The following ELFN1 variants were observed in gnomAD, a reference collection of about 807,000 sequenced individuals.
ELFN1 encodes the protein extracellular leucine rich repeat and fibronectin type III domain containing 1.
In ELFN1, 6 loss-of-function variants were observed where a neutral mutation model predicts 7.6. The observed-to-expected ratio is 0.79, with a 90% CI of 0.43 to 1.56. ELFN1 has a LOEUF of 1.56. Ranked by LOEUF, ELFN1 falls within the 40% of genes most tolerant of loss-of-function variation. ELFN1 has a pLI of 0.01. For missense variants in ELFN1, 1,169 were observed against 1,232.2 expected (o/e 0.95, Z 0.77); for synonymous variants, 657 against 588.1 (o/e 1.12, Z -1.70).
At chr7:1,719,712 C>T (rs1402202657) in intron 3 of ELFN1, among the ~76,000 whole-genome samples, 1 of 152,226 alleles carries the variant, frequency 6.6e-6, no homozygotes, top group Non-Finnish European at 1.5e-5. Flanking sequence ...AGAGGAATCT[C>T]CCCAAATGGT....
intron 3 of ELFN1, among the ~76,000 whole-genome samples, chr7:1,724,511 G>A (rs1210467297): frequency 1.3e-5 from 2 of 152,176 alleles, no homozygotes; most frequent in Admixed American, 6.5e-5. Context: ...CAGGAGGGAA[G>A]GCTTGGATCT....
intron 3 of ELFN1, among the ~76,000 whole-genome samples, chr7:1,713,751 A>G (rs573961783): frequency 7.9e-4 from 119 of 150,914 alleles, no homozygotes; most frequent in Middle Eastern, 3.6e-3. Flanking sequence ...CTCTCTGGGG[A>G]GGGGGGGGCG....
At chr7:1,671,146 G>C (rs923812793) in intron 1 of ELFN1, among the ~76,000 whole-genome samples, 10 of 149,312 alleles carry the variant, frequency 6.7e-5, no homozygotes. Flanking sequence ...GGGGCGGGGG[G>C]CACTGCCTGC....
Position 1,695,429 on chromosome 7 carries a change from C to T in ELFN1, c.-456+7279C>T, listed in dbSNP as rs1036092620. ...CTGGGAGGCAGGAGCAGACTCAGCC[C>T]GCCAAGCCCATGAACCCCACTTTGA... is the stretch of plus-strand genomic sequence containing the variant. On this transcript the variant is annotated intron_variant, in intron 2 of 3. Transcript: ENST00000424383. The surrounding 1 kb of genome is among the most constrained non-coding windows in gnomAD (Gnocchi z 5.1). 3.9e-5 allele frequency among the ~76,000 whole-genome samples: 6 copies of T among 152,224 alleles called. No individual in the cohort carries two copies. In the East Asian group the frequency reaches 9.7e-4, roughly 25 times the overall value.
intron 1 of ELFN1, among the ~76,000 whole-genome samples, chr7:1,672,712 C>G (rs996563953): frequency 6.6e-6 from 1 of 151,994 alleles, no homozygotes; most frequent in Non-Finnish European, 1.5e-5. Context: ...AGGTCAGAGC[C>G]CCCACCCCAG....
At chr7:1,742,659 C>A (rs554406843) in intron 3 of ELFN1, among the ~76,000 whole-genome samples, 1 of 152,348 alleles carries the variant, frequency 6.6e-6, no homozygotes, top group East Asian at 1.9e-4. Context: ...TCCTGCCCGG[C>A]TGGGCTTGGC....
At chr7:1,680,931 A>G (rs1402851365) in intron 1 of ELFN1, among the ~76,000 whole-genome samples, 2 of 151,986 alleles carry the variant, frequency 1.3e-5, no homozygotes, top group African/African-American at 4.8e-5. Flanking sequence ...TAGTAAAGAC[A>G]GGGTTTCACC....
At chr7:1,678,187 C>T (rs528248513) in intron 1 of ELFN1, among the ~76,000 whole-genome samples, 1 of 152,206 alleles carries the variant, frequency 6.6e-6, no homozygotes, top group South Asian at 2.1e-4. Context: ...TGCCACCGTG[C>T]TCCCACACAC....
chr7:1,687,472 G>T (rs1314234736), intron 1 of ELFN1, among the ~76,000 whole-genome samples: 1 of 151,794 alleles, frequency 6.6e-6, no homozygotes, highest in Non-Finnish European at 1.5e-5. Flanking sequence ...TATCTCAGAA[G>T]CCCCCCACCC....
At chr7:1,685,995 T>TA (rs1779056133) in intron 1 of ELFN1, among the ~76,000 whole-genome samples, 1 of 148,276 alleles carries the variant, frequency 6.7e-6, no homozygotes, top group Admixed American at 6.8e-5. Flanking sequence ...ATTTATATTA[T>TA]AAAAAGCTTT....
At chr7:1,681,293 C>T (rs375727963) in intron 1 of ELFN1, among the ~76,000 whole-genome samples, 6 of 152,204 alleles carry the variant, frequency 3.9e-5, no homozygotes, top group African/African-American at 4.8e-5. Context: ...TGAATCATGC[C>T]GCTGTGAACA....
At chr7:1,712,002 G>T (rs1779670794) in intron 3 of ELFN1, among the ~76,000 whole-genome samples, 1 of 152,232 alleles carries the variant, frequency 6.6e-6, no homozygotes, top group South Asian at 2.1e-4. Context: ...ACAGCAGACT[G>T]GGCTGTGCGG....
At chr7:1,672,732 C>T (rs999860458) in intron 1 of ELFN1, among the ~76,000 whole-genome samples, 5 of 152,080 alleles carry the variant, frequency 3.3e-5, no homozygotes, top group Admixed American at 2.6e-4. Flanking sequence ...GGATCCCTTC[C>T]CCCCCGACAA....
Position 1,695,517 on chromosome 7 carries a change from G to A in ELFN1, c.-456+7367G>A, listed in dbSNP as rs1018788387. Among the ~76,000 whole-genome samples, 1 of 151,966 alleles carries A rather than the reference G, an allele frequency of 6.6e-6. No homozygotes were observed. Among genetic ancestry groups the A allele is most frequent in the Non-Finnish European group, 1.5e-5 (1 of 67,980 alleles). ...TTCCAGCACTTTGGGAGGCTGAGGC[G>A]GGCAGATCACCTGAGGCCAGGAGTT... is the stretch of plus-strand genomic sequence containing the variant. On this transcript the variant is annotated intron_variant, in intron 2 of 3. Coordinates refer to ENST00000424383, the MANE Select transcript of ELFN1 (RefSeq NM_001128636.4). The surrounding 1 kb of genome is among the most constrained non-coding windows in gnomAD (Gnocchi z 5.1).
At chr7:1,731,264 G>T (rs1034206430) in intron 3 of ELFN1, among the ~76,000 whole-genome samples, 1 of 152,168 alleles carries the variant, frequency 6.6e-6, no homozygotes, top group Non-Finnish European at 1.5e-5. Context: ...CAACAGGCTC[G>T]CAGCGAGTTT....
At chr7:1,694,088 A>G in intron 2 of ELFN1, 1 of 250,412 alleles carries the variant, frequency 4.0e-6, no homozygotes, top group East Asian at 8.8e-5. Context: ...CTCACTTCCT[A>G]GAAAGAGAAA....
rs1400981638 is a variant in ELFN1 at position 1,745,951 on chromosome 7, A to G, written c.1355A>G (p.Lys452Arg). 6.4e-7 allele frequency: 1 copy of G among 1,550,528 alleles called. No individual in the cohort carries two copies. The highest frequency in any genetic ancestry group is 8.7e-7 in the Non-Finnish European group (1 of 1,147,490). ...RRRRQEEKHK[K>R]AASAAAAGSL... ...CGGCGCCAGGAGGAGAAGCACAAGA[A>G]GGCCGCCTCGGCAGCCGCAGCTGGC... is the stretch of plus-strand genomic sequence containing the variant. Residue 452 changes from lysine to arginine, a missense_variant, in exon 4 of 4, where the codon AAG becomes AGG. Lys to Arg is a conservative substitution (Grantham distance 26). Around this residue, in one of 2 missense-constraint regions of ELFN1, gnomAD observed 914 missense variants for 872.6 expected, o/e 1.05. Transcript: ENST00000424383.
intron 1 of ELFN1, among the ~76,000 whole-genome samples, chr7:1,677,408 G>T (rs768932360): frequency 1.3e-5 from 2 of 152,214 alleles, no homozygotes; most frequent in African/African-American, 4.8e-5. Context: ...CTTCATTTGC[G>T]TGTGGCTCTG....
In ELFN1 at chr7:1,721,949, T is replaced by C. The variant is rs546463489; in HGVS notation, c.-294+12697T>C. 5.9e-5 allele frequency among the ~76,000 whole-genome samples: 9 copies of C among 152,332 alleles called. No individual in the cohort carries two copies. In the East Asian group the frequency reaches 1.7e-3, roughly 29 times the overall value. The stretch of plus-strand genomic sequence containing the variant: ...TGACTCACTGCCAGAGGCCCCTGGC[T>C]TACGGCTCCCAGAACATTCTGGGGT... On this transcript the variant is annotated intron_variant, in intron 3 of 3. Coordinates refer to ENST00000424383, the MANE Select transcript of ELFN1 (RefSeq NM_001128636.4).
Sources: gnomAD v4.1 joint callset for allele counts (sites outside exome capture counted in the v4.1 genomes callset) on GRCh38, gnomAD v4.1.1 for gene constraint, gnomAD v4.1.1 regional missense constraint, Gnocchi (gnomAD v3.1) non-coding constraint, MANE v1.5 for transcripts, NCBI Gene and HGNC (gene_info 2026-07-23, HGNC 2026-07-21) for gene names.